Variants in PARD3 observed in about 807,000 individuals in gnomAD.
The protein encoded by PARD3 is par-3 family cell polarity regulator.
In PARD3, 75 loss-of-function variants were observed where a neutral mutation model predicts 155.4. That is an observed-to-expected ratio of 0.48 (90% CI 0.40 to 0.58). The LOEUF is 0.58. Ranked by LOEUF, PARD3 falls within the 20% of genes least tolerant of loss-of-function variation. The pLI, the probability that PARD3 is intolerant of heterozygous loss-of-function variation, is 0.00. For synonymous variants in PARD3, 576 were observed against 610.5 expected (o/e 0.94, Z 0.83); for missense variants, 1,642 against 1,721.7 (o/e 0.95, Z 0.82).
At chr10:34,276,935 T>C (rs1440620999) in intron 21 of PARD3, among the ~76,000 whole-genome samples, 1 of 152,212 alleles carries the variant, frequency 6.6e-6, no homozygotes, top group Non-Finnish European at 1.5e-5. Context: ...AGATAGAATA[T>C]ACTAATATTA....
intron 20 of PARD3, 83 bp downstream of exon 20, chr10:34,317,024 C>A: frequency 7.7e-7 from 1 of 1,305,380 alleles, no homozygotes. Flanking sequence ...TGTGCACTAC[C>A]GTGTCCAGTT....
intron 2 of PARD3, among the ~76,000 whole-genome samples, chr10:34,630,581 C>A (rs1258128162): frequency 1.3e-5 from 2 of 151,160 alleles, no homozygotes; most frequent in Non-Finnish European, 2.9e-5. Context: ...CCTGGAGTAA[C>A]TGGGGACTAC....
At chr10:34,269,235 T>TA (rs890511684) in intron 22 of PARD3, among the ~76,000 whole-genome samples, 18 of 151,164 alleles carry the variant, frequency 1.2e-4, no homozygotes, top group Admixed American at 4.0e-4. Context: ...TTATGCTGCC[T>TA]AAAAAAAAAG....
chr10:34,311,614 T>C (rs1957702138), intron 20 of PARD3, among the ~76,000 whole-genome samples: 1 of 152,090 alleles, frequency 6.6e-6, no homozygotes, highest in South Asian at 2.1e-4. Context: ...AAAGAGTGTG[T>C]GCTCTCTCGA....
chr10:34,565,260 CTTTTTTTT>C (rs59606413), intron 2 of PARD3, among the ~76,000 whole-genome samples: 34 of 39,664 alleles, frequency 8.6e-4, no homozygotes, highest in Non-Finnish European at 1.1e-3. Context: ...AGGAGCAAGG[CTTTTTTTT>C]TTTTTTTTTT....
chr10:34,683,214 A>AC (rs1243843705), intron 2 of PARD3, among the ~76,000 whole-genome samples: 3 of 152,138 alleles, frequency 2.0e-5, no homozygotes, highest in Non-Finnish European at 4.4e-5. Flanking sequence ...AAAGATGGAA[A>AC]CGATGGACAC....
In PARD3 at chr10:34,152,787, A is replaced by G. The variant is rs114372956; in HGVS notation, c.3420-21204T>C. Among the ~76,000 whole-genome samples, 945 of 152,302 alleles carry G rather than the reference A, an allele frequency of 6.2e-3. 10 individuals carry two copies. The highest frequency in any genetic ancestry group is 0.022 in the African/African-American group (920 of 41,550). On this transcript the variant is annotated intron_variant, in intron 22 of 24. Coordinates refer to ENST00000374788, the MANE Select transcript of PARD3 (RefSeq NM_001184785.2). ...TTTTCCCATGCAGACAACTGGCCGT[A>G]CATAGCACTGAATGGAAGGTTAAAG...
chr10:34,620,347 A>C (rs1276841242), intron 2 of PARD3, among the ~76,000 whole-genome samples: 1 of 152,212 alleles, frequency 6.6e-6, no homozygotes, highest in East Asian at 1.9e-4. Flanking sequence ...CCTGGAAACC[A>C]AGAGGTTTTT....
intron 2 of PARD3, among the ~76,000 whole-genome samples, chr10:34,529,896 G>A (rs1309235894): frequency 5.9e-5 from 9 of 151,918 alleles, no homozygotes; most frequent in Admixed American, 2.0e-4. Flanking sequence ...CACCAAGCCC[G>A]GCTAATTTTT....
chr10:34,260,697 T>C (rs918535254), intron 22 of PARD3, among the ~76,000 whole-genome samples: 3 of 152,200 alleles, frequency 2.0e-5, no homozygotes, highest in African/African-American at 4.8e-5. Context: ...TACAATGAGA[T>C]TGACTACCTT....
At chr10:34,401,956 T>C in intron 5 of PARD3, 39 bp from the exon 6 acceptor site, 2 of 1,484,510 alleles carry the variant, frequency 1.3e-6, no homozygotes, top group South Asian at 1.1e-5. Context: ...CACTCTGTGT[T>C]AGGTTTCTTG....
intron 2 of PARD3, among the ~76,000 whole-genome samples, chr10:34,548,203 G>A (rs952470161): frequency 4.6e-5 from 7 of 152,110 alleles, no homozygotes; most frequent in Admixed American, 1.3e-4. Context: ...AAAATAGTAT[G>A]GGCAGGCGGG....
At chr10:34,688,527 A>G (rs2093991041) in intron 2 of PARD3, among the ~76,000 whole-genome samples, 1 of 152,252 alleles carries the variant, frequency 6.6e-6, no homozygotes, top group Non-Finnish European at 1.5e-5. Flanking sequence ...TGAGATGCTA[A>G]GAGTAAACAC....
intron 2 of PARD3, among the ~76,000 whole-genome samples, chr10:34,534,545 A>G (rs892337718): frequency 2.0e-5 from 3 of 152,212 alleles, no homozygotes; most frequent in Admixed American, 6.5e-5. Context: ...GAAGAGGGCT[A>G]CAATGCCAAC....
At chr10:34,472,388 T>C (rs1035059882) in intron 3 of PARD3, among the ~76,000 whole-genome samples, 5 of 152,174 alleles carry the variant, frequency 3.3e-5, no homozygotes, top group African/African-American at 1.2e-4. Context: ...CATCTAAAAA[T>C]TGATATGCAT....
chr10:34,415,058 T>C (rs979307909), intron 5 of PARD3, among the ~76,000 whole-genome samples: 2 of 152,088 alleles, frequency 1.3e-5, no homozygotes, highest in African/African-American at 4.8e-5. Flanking sequence ...GTTAAAGCCA[T>C]GATCAGGAAG....
chr10:34,655,898 C>T (rs2093154517), intron 2 of PARD3, among the ~76,000 whole-genome samples: 3 of 152,110 alleles, frequency 2.0e-5, no homozygotes, highest in African/African-American at 7.2e-5. Context: ...TGAAGGAAAG[C>T]AGCAAAGAGC....
At chr10:34,517,392 A>T (rs2081847969) in intron 2 of PARD3, among the ~76,000 whole-genome samples, 1 of 152,228 alleles carries the variant, frequency 6.6e-6, no homozygotes, top group Non-Finnish European at 1.5e-5. Flanking sequence ...GGGTGAAAAA[A>T]TAATAAAATT....
At chr10:34,192,331 C>T (rs2133272052) in intron 22 of PARD3, among the ~76,000 whole-genome samples, 1 of 152,216 alleles carries the variant, frequency 6.6e-6, no homozygotes, top group South Asian at 2.1e-4. Context: ...CTCCTGGGTT[C>T]AAGAGACCCT....
Sources: gnomAD v4.1 joint callset for allele counts (sites outside exome capture counted in the v4.1 genomes callset) on GRCh38, gnomAD v4.1.1 for gene constraint, MANE v1.5 for transcripts, NCBI Gene and HGNC (gene_info 2026-07-23, HGNC 2026-07-21) for gene names.